COL4A3: variants seen among roughly 807,000 people sequenced by gnomAD.
COL4A3 encodes collagen alpha-3(IV) chain.
COL4A3 carries 135 observed loss-of-function variants against 217.4 expected under a neutral mutation model. The observed-to-expected ratio is 0.62, with a 90% CI of 0.54 to 0.72. The LOEUF (loss-of-function observed/expected upper bound fraction) is 0.72, where lower values mean the gene tolerates loss of function less well. COL4A3 is among the 30% of genes least tolerant of loss of function. The pLI, the probability that COL4A3 is intolerant of heterozygous loss-of-function variation, is 0.00. For missense variants in COL4A3, 1,868 were observed against 2,119.9 expected (o/e 0.88, Z 2.33); for synonymous variants, 690 against 736.3 (o/e 0.94, Z 1.02).
chr2:227,290,217 G>T lies in COL4A3; in HGVS notation c.3070+129G>T, dbSNP rs1318888199. On this transcript the variant is annotated intron_variant, in intron 36 of 51. Transcript: ENST00000396578. ...TATATTAAAAAACTAGATTTGCGGG[G>T]CCGGGCACGGTGGCTCATGCCTGTA... 4.6e-6 allele frequency: 4 copies of T among 861,870 alleles called. No homozygotes were observed. The African/African-American group carries it at 5.0e-5, about 11-fold the overall frequency. 53.4% of individuals were successfully genotyped at this position (861,870 alleles called of 1,614,324 possible). A position where few individuals can be genotyped will look rare whatever the true frequency, so the allele number is the denominator to read the frequency against.
intron 1 of COL4A3, among the ~76,000 whole-genome samples, chr2:227,227,202 T>C (rs549965684): frequency 4.6e-5 from 7 of 152,322 alleles, no homozygotes; most frequent in South Asian, 2.1e-4. Context: ...TGTTTTTCAC[T>C]GGGATTTTAC....
intron 20 of COL4A3, among the ~76,000 whole-genome samples, chr2:227,261,828 T>C (rs1468167535): frequency 1.3e-5 from 2 of 152,222 alleles, no homozygotes; most frequent in East Asian, 1.9e-4. Flanking sequence ...CATTACACTT[T>C]TTCTGTAAAG....
At chr2:227,263,639 A>T in intron 20 of COL4A3, 141 bp from the exon 21 acceptor site, 1 of 843,934 alleles carries the variant, frequency 1.2e-6, no homozygotes, top group Non-Finnish European at 1.8e-6. Flanking sequence ...AAGGATATTC[A>T]CTTTTTTATT....
At chr2:227,221,722 A>T (rs1209663466) in intron 1 of COL4A3, among the ~76,000 whole-genome samples, 2 of 152,058 alleles carry the variant, frequency 1.3e-5, no homozygotes, top group African/African-American at 4.8e-5. Flanking sequence ...TATTTATCTT[A>T]TCTATTGTTT....
At chr2:227,209,001 G>C (rs2067211118) in intron 1 of COL4A3, among the ~76,000 whole-genome samples, 1 of 152,186 alleles carries the variant, frequency 6.6e-6, no homozygotes, top group South Asian at 2.1e-4. Context: ...TACAAGTTGA[G>C]GAATTCCCAA....
At chr2:227,261,178 C>G in intron 20 of COL4A3, 61 bp downstream of exon 20, 1 of 1,349,002 alleles carries the variant, frequency 7.4e-7, no homozygotes, top group Non-Finnish European at 1.1e-6. Flanking sequence ...ATAAGCTGTC[C>G]TCTATTAAGT....
chr2:227,279,836 T>C lies in COL4A3; in HGVS notation c.2169T>C (p.Pro723=), dbSNP rs2071836077. ...GTACAAAAGGATCACTGGGTTGTCC[T>C]GGAAAAATGGGAGAGCCTGGGTTAC... The part of the protein sequence containing the change: ...FPGTKGSLGC[P]GKMGEPGLPG... The change falls in exon 29 of 52, where the codon CCT becomes CCC. Residue 723 remains proline, a synonymous_variant. Transcript: ENST00000396578. 1 of 1,610,570 alleles carries C rather than the reference T, an allele frequency of 6.2e-7. No homozygotes were observed. Among genetic ancestry groups the C allele is most frequent in the Non-Finnish European group, 8.5e-7 (1 of 1,178,630 alleles).
At chr2:227,291,907 A>T (rs1216928113) in intron 37 of COL4A3, among the ~76,000 whole-genome samples, 1 of 152,226 alleles carries the variant, frequency 6.6e-6, no homozygotes, top group Non-Finnish European at 1.5e-5. Flanking sequence ...CAGCTCTCAC[A>T]CTAAAAGCCA....
At chr2:227,271,639 A>C (rs2071250129) in intron 25 of COL4A3, among the ~76,000 whole-genome samples, 1 of 151,718 alleles carries the variant, frequency 6.6e-6, no homozygotes, top group Non-Finnish European at 1.5e-5. Context: ...CACCCAGCTA[A>C]TTTTGTATTT....
intron 47 of COL4A3, among the ~76,000 whole-genome samples, chr2:227,306,841 C>G (rs2073523388): frequency 6.6e-6 from 1 of 152,104 alleles, no homozygotes; most frequent in African/African-American, 2.4e-5. Context: ...TTCCTTAGGA[C>G]CCTAGAGAAC....
Position 227,254,641 on chromosome 2 carries a change from C to A in COL4A3, c.829-15C>A. ...CAGTAATTCATAAAATTTGACATGG[C>A]TCTAATTAATACAGGGACTGCCTGG... On this transcript the variant is annotated splice_polypyrimidine_tract_variant and intron_variant, in intron 14 of 51. Coordinates refer to ENST00000396578, the MANE Select transcript of COL4A3 (RefSeq NM_000091.5). The A allele has an allele frequency of 6.3e-7, 1 of 1,596,150 alleles. No homozygotes were observed. The highest frequency in any genetic ancestry group is 8.6e-7 in the Non-Finnish European group (1 of 1,163,730).
chr2:227,231,521 A>G (rs1355515846), intron 1 of COL4A3, among the ~76,000 whole-genome samples: 1 of 151,806 alleles, frequency 6.6e-6, no homozygotes, highest in South Asian at 2.1e-4. Context: ...AAAGTATCCA[A>G]TTACCTTTTT....
At chr2:227,190,294 C>T (rs1042091539) in intron 1 of COL4A3, among the ~76,000 whole-genome samples, 1 of 152,310 alleles carries the variant, frequency 6.6e-6, no homozygotes, top group Admixed American at 6.5e-5. Context: ...CGTGCCTGCT[C>T]CATGATACTA....
In COL4A3 at chr2:227,289,144, C is replaced by T. The variant is rs755490926; in HGVS notation, c.2882-6C>T. ...TTTCTTGTTAATACCTGGTTTCTAA[C>T]TTCAGGATTCGCAGGAAATCCAGGT... On this transcript the variant is annotated splice_polypyrimidine_tract_variant and splice_region_variant and intron_variant, in intron 34 of 51. Transcript: ENST00000396578. 1.2e-6 allele frequency: 2 copies of T among 1,611,198 alleles called. No homozygotes were observed. Among genetic ancestry groups the T allele is most frequent in the African/African-American group, 1.3e-5 (1 of 74,804 alleles).
chr2:227,190,116 C>T (rs2066175610), intron 1 of COL4A3, among the ~76,000 whole-genome samples: 1 of 152,210 alleles, frequency 6.6e-6, no homozygotes, highest in African/African-American at 2.4e-5. Flanking sequence ...TCAGCACATT[C>T]CCTGATGCAT....
At chr2:227,244,803 A>C (rs748914265) in intron 4 of COL4A3, 148 bp from the exon 5 acceptor site, 1 of 834,084 alleles carries the variant, frequency 1.2e-6, no homozygotes, top group Admixed American at 1.7e-5. Flanking sequence ...TTAAACCTTT[A>C]GTATTTGTTT....
In COL4A3 at chr2:227,262,186, A is replaced by C. The variant is rs539099720; in HGVS notation, c.1150+1069A>C. Among the ~76,000 whole-genome samples, 19 of 152,328 alleles carry C rather than the reference A, an allele frequency of 1.2e-4. No individual in the cohort carries two copies. In the South Asian group the frequency reaches 3.5e-3, roughly 28 times the overall value. ...TATGTACCTGAATATGCATGGAAAGATATACCTCAAACTGTTAATAGTAGA... is the reference window on the plus strand; with the variant it reads ...TATGTACCTGAATATGCATGGAAAGCTATACCTCAAACTGTTAATAGTAGA... On this transcript the variant is annotated intron_variant, in intron 20 of 51. Transcript: ENST00000396578.
At chr2:227,235,876 C>A (rs554844741) in intron 1 of COL4A3, among the ~76,000 whole-genome samples, 1 of 148,856 alleles carries the variant, frequency 6.7e-6, no homozygotes, top group African/African-American at 2.5e-5. Flanking sequence ...CAGGTTCAAG[C>A]GATTCACCTG....
chr2:227,199,490 A>G (rs1360384183), intron 1 of COL4A3, among the ~76,000 whole-genome samples: 1 of 152,248 alleles, frequency 6.6e-6, no homozygotes, highest in Non-Finnish European at 1.5e-5. Context: ...AGACTGGATC[A>G]AACAGACCTA....
Sources: gnomAD v4.1 joint callset for allele counts (sites outside exome capture counted in the v4.1 genomes callset) on GRCh38, gnomAD v4.1.1 for gene constraint, MANE v1.5 for transcripts, NCBI Gene and HGNC (gene_info 2026-07-23, HGNC 2026-07-21) for gene names.